CORO7: variants seen among roughly 807,000 people sequenced by gnomAD.
CORO7 encodes coronin-7.
Under a neutral mutation model 126.6 loss-of-function variants are expected in CORO7, and 107 were observed. That is an observed-to-expected ratio of 0.85 (90% confidence interval 0.72 to 0.99). CORO7 has a LOEUF of 0.99. Among genes scored for constraint, CORO7 ranks in the 50% least tolerant of loss-of-function variants. The pLI is 0.00. For missense variants in CORO7, 1,314 were observed against 1,255.8 expected (o/e 1.05, Z -0.70); for synonymous variants, 603 against 536.8 (o/e 1.12, Z -1.70).
At chr16:4,392,474 C>A (rs1318384592) in intron 7 of CORO7, among the ~76,000 whole-genome samples, 2 of 152,232 alleles carry the variant, frequency 1.3e-5, no homozygotes, top group Non-Finnish European at 2.9e-5. Flanking sequence ...TCCCCAGGGT[C>A]CCCTGCTCAA....
chr16:4,374,131 G>A (rs1018372513), intron 9 of CORO7, among the ~76,000 whole-genome samples: 3 of 150,448 alleles, frequency 2.0e-5, no homozygotes, highest in Non-Finnish European at 4.4e-5. Context: ...CCCAGTGGGC[G>A]TGTGTCTGGC....
intron 6 of CORO7, among the ~76,000 whole-genome samples, chr16:4,402,833 G>A (rs574435474): frequency 1.5e-3 from 229 of 152,334 alleles, no homozygotes; most frequent in African/African-American, 5.3e-3. Flanking sequence ...CATCCGTGAG[G>A]AGAGCGCGCC....
At chr16:4,372,535 T>C (rs1322607036) in intron 9 of CORO7, among the ~76,000 whole-genome samples, 1 of 152,126 alleles carries the variant, frequency 6.6e-6, no homozygotes, top group Non-Finnish European at 1.5e-5. Context: ...AGGTGGGGGA[T>C]GGACCTGTAC....
At chr16:4,372,662 G>A (rs2054579293) in intron 9 of CORO7, among the ~76,000 whole-genome samples, 1 of 152,194 alleles carries the variant, frequency 6.6e-6, no homozygotes, top group Admixed American at 6.5e-5. Context: ...CTAGTCCTTT[G>A]TGTCCCTGGG....
At position 4,355,013 on chromosome 16, in the gene CORO7, G is replaced by A. The variant is rs990530119; in HGVS notation, c.*145C>T. On this transcript the variant is annotated 3_prime_UTR_variant, in exon 28 of 28. Transcript: ENST00000251166. ...CCCTGGGAACTGCCAGAGGCCCAGA[G>A]GATGTGGAAGTGCCCACGGGAAGGC... The A allele has an allele frequency of 2.4e-6, 2 of 849,612 alleles. No individual in the cohort carries two copies. Among genetic ancestry groups the A allele is most frequent in the East Asian group, 5.7e-5 (2 of 35,288 alleles). 52.6% of individuals were successfully genotyped at this position (849,612 alleles called of 1,614,324 possible).
At chr16:4,405,613 AG>A in intron 5 of CORO7, 46 bp from the exon 6 acceptor site, 2 of 1,492,872 alleles carry the variant, frequency 1.3e-6, no homozygotes, top group Non-Finnish European at 9.2e-7. Flanking sequence ...TGAGGGCACC[AG>A]GGAAGTGGGT....
rs2055273314 is a variant in CORO7 at position 4,388,485 on chromosome 16, CA to C, written c.702+59del. ...GCCTCCCATTGGTTTCGTCCCCGCC[CA>C]AAGGGCTGGACATGTCCCCACCTGG... On this transcript the variant is annotated intron_variant, in intron 8 of 27. Transcript: ENST00000251166. 8 of 1,569,998 alleles carry C rather than the reference CA, an allele frequency of 5.1e-6. No individual in the cohort carries two copies. The Admixed American group carries it at 9.4e-5, about 18-fold the overall frequency.
intron 3 of CORO7, among the ~76,000 whole-genome samples, chr16:4,411,860 A>G (rs9925719): frequency 0.72 from 108,736 of 151,176 alleles, 39,457 homozygotes; most frequent in Non-Finnish European, 0.77. Flanking sequence ...CTCGAGGCGG[A>G]CAGCCTGCCA....
chr16:4,378,598 G>GC (rs2054836811), intron 9 of CORO7, among the ~76,000 whole-genome samples: 1 of 152,136 alleles, frequency 6.6e-6, no homozygotes, highest in African/African-American at 2.4e-5. Context: ...TGGCCCCAGG[G>GC]CCTTAGGTCA....
Position 4,388,001 on chromosome 16 carries a change from A to G in CORO7, c.770T>C (p.Leu257Ser), listed in dbSNP as rs35357594. 1.3e-3 allele frequency: 2,075 copies of G among 1,613,080 alleles called. 23 individuals carry two copies. In the African/African-American group the frequency reaches 0.025, roughly 19 times the overall value. The change falls in exon 9 of 28, where the codon TTG becomes TCG. Residue 257 changes from leucine (L) to serine (S), a missense_variant. By Grantham distance (145) the Leu-to-Ser change is moderately radical. Transcript: ENST00000251166. ...FFSSALASLT[L>S]DTSLGCLVPL... ...CAGCTCCTACCCAAGCGAGGTGTCC[A>G]AGGTGAGGGAGGCCAGGGCGCTGGA...
intron 7 of CORO7, among the ~76,000 whole-genome samples, chr16:4,391,448 C>G (rs1404380884): frequency 1.3e-5 from 2 of 152,112 alleles, no homozygotes; most frequent in Non-Finnish European, 2.9e-5. Flanking sequence ...CCCAGCTACT[C>G]GGGAGGCTGA....
At chr16:4,412,587 T>C (rs2056252580) in intron 2 of CORO7, 157 bp from the exon 3 acceptor site, 1 of 712,730 alleles carries the variant, frequency 1.4e-6, no homozygotes, top group South Asian at 1.8e-5. Flanking sequence ...AGCAATGGCC[T>C]GTGGGTAGGT....
At position 4,383,014 on chromosome 16, in the gene CORO7, A is replaced by C. The variant is rs997877325; in HGVS notation, c.785+4972T>G. On this transcript the variant is annotated intron_variant, in intron 9 of 27. Transcript: ENST00000251166. ...CCCAACCTCGGGGATGTGTGCAGAC[A>C]GGGCTGTGTGACCACAGCTGGGCCC... 32 of 1,186,456 alleles carry C rather than the reference A, an allele frequency of 2.7e-5. No individual in the cohort carries two copies. The African/African-American group carries it at 4.5e-4, about 17-fold the overall frequency. The allele number at this position is 1,186,456 out of a possible 1,614,324, so 73.5% of individuals were successfully genotyped here.
At chr16:4,413,664 A>G (rs2056298704) in intron 1 of CORO7, among the ~76,000 whole-genome samples, 1 of 151,798 alleles carries the variant, frequency 6.6e-6, no homozygotes, top group Admixed American at 6.6e-5. Flanking sequence ...CAGCCTCCTG[A>G]GTAGCTGGGA....
Position 4,359,614 on chromosome 16 carries a change from C to T in CORO7, c.2116G>A (p.Glu706Lys). The change falls in exon 22 of 28, where the codon GAG (glutamate) becomes AAG (lysine). Residue 706 changes from glutamate to lysine, a missense_variant. Glu to Lys is a moderately conservative substitution (Grantham distance 56). Coordinates refer to ENST00000251166, the MANE Select transcript of CORO7 (RefSeq NM_024535.5). ...LLVSGFDSQSERQLLLYEAEA... is the reference protein window; with the variant it reads ...LLVSGFDSQSKRQLLLYEAEA... ...GCTTCATATAGGAGCAGCTGGCGCT[C>T]ACTTTGGCTGCAAGGGGGTTTGGGG... 6.3e-7 allele frequency: 1 copy of T among 1,597,246 alleles called. No homozygotes were observed. The highest frequency in any genetic ancestry group is 8.5e-7 in the Non-Finnish European group (1 of 1,169,594).
intron 7 of CORO7, among the ~76,000 whole-genome samples, chr16:4,390,174 G>A (rs1567284177): frequency 6.6e-6 from 1 of 152,226 alleles, no homozygotes; most frequent in Admixed American, 6.5e-5. Flanking sequence ...CACGGTGTTA[G>A]GGGAGGAAGC....
Position 4,365,072 on chromosome 16 carries a change from CTG to C in CORO7, c.841-14_841-13del. ...AGCTGCCTCTCGCCCTGAAATGAGT[CTG>C]AACTGAGCCCCGTTTGCTGACTGAA... On this transcript the variant is annotated splice_polypyrimidine_tract_variant and intron_variant, in intron 10 of 27. Transcript: ENST00000251166. The C allele has an allele frequency of 6.3e-7, 1 of 1,591,216 alleles. No individual in the cohort carries two copies. Among genetic ancestry groups the C allele is most frequent in the Non-Finnish European group, 8.6e-7 (1 of 1,168,924 alleles).
chr16:4,391,449 G>A (rs1418991809), intron 7 of CORO7, among the ~76,000 whole-genome samples: 5 of 152,328 alleles, frequency 3.3e-5, no homozygotes, highest in Admixed American at 6.5e-5. Context: ...CCAGCTACTC[G>A]GGAGGCTGAG....
chr16:4,414,091 T>C (rs775018355), intron 1 of CORO7, among the ~76,000 whole-genome samples: 33 of 150,654 alleles, frequency 2.2e-4, no homozygotes, highest in Non-Finnish European at 3.2e-4. Flanking sequence ...CTCAGGAGGC[T>C]GAGGGAGGAG....
Sources: allele counts gnomAD v4.1 joint callset (sites outside exome capture counted in the v4.1 genomes callset), GRCh38; gene constraint gnomAD v4.1.1; transcripts MANE v1.5; gene names NCBI Gene and HGNC (gene_info 2026-07-23, HGNC 2026-07-21).